GALNT10: variants seen among roughly 807,000 people sequenced by gnomAD.
GALNT10 encodes polypeptide N-acetylgalactosaminyltransferase 10.
A neutral mutation model predicts 75.0 loss-of-function variants in GALNT10; 41 were observed. The ratio of observed to expected loss-of-function variants is 0.55; its 90% confidence interval spans 0.43 to 0.71. GALNT10 has a LOEUF of 0.71. GALNT10 is among the 30% of genes least tolerant of loss of function. The pLI is 0.00. For missense variants in GALNT10, 727 were observed against 818.5 expected, an observed-to-expected ratio of 0.89 and a Z score of 1.36; for synonymous variants, 302 against 313.0, an observed-to-expected ratio of 0.96 and a Z score of 0.37.
At chr5:154,331,634 T>C (rs1754865872) in intron 4 of GALNT10, among the ~76,000 whole-genome samples, 1 of 152,172 alleles carries the variant, frequency 6.6e-6, no homozygotes, top group African/African-American at 2.4e-5. Context: ...ATCATTTCTG[T>C]TGTGGACATT....
chr5:154,346,170 TACAC>T (rs977665746), intron 4 of GALNT10, among the ~76,000 whole-genome samples: 7 of 150,694 alleles, frequency 4.6e-5, no homozygotes, highest in African/African-American at 7.4e-5. Flanking sequence ...GTGAGATAGA[TACAC>T]ACACACCACA....
intron 7 of GALNT10, among the ~76,000 whole-genome samples, chr5:154,400,204 G>C (rs775202845): frequency 6.6e-6 from 1 of 152,124 alleles, no homozygotes; most frequent in African/African-American, 2.4e-5. Context: ...AAGCCATGGC[G>C]GGGGCGGGGG....
chr5:154,386,467 G>A, intron 7 of GALNT10, 37 bp downstream of exon 7: 1 of 1,292,600 alleles, frequency 7.7e-7, no homozygotes, highest in Non-Finnish European at 1.1e-6. Context: ...TCTTGGCACA[G>A]CCTCCTGAGT....
At chr5:154,310,971 T>G (rs1352276278) in intron 3 of GALNT10, among the ~76,000 whole-genome samples, 1 of 152,216 alleles carries the variant, frequency 6.6e-6, no homozygotes, top group East Asian at 1.9e-4. Context: ...CTCTAATTTT[T>G]AAAAGAGTTC....
chr5:154,209,878 A>T (rs1775168216), intron 1 of GALNT10, among the ~76,000 whole-genome samples: 2 of 147,602 alleles, frequency 1.4e-5, no homozygotes, highest in Non-Finnish European at 1.5e-5. Context: ...TGGGGTTTAC[A>T]GTGCTCCCCA....
chr5:154,388,803 G>C (rs1013487443), intron 7 of GALNT10: 1 of 149,964 alleles, frequency 6.7e-6, no homozygotes, highest in Non-Finnish European at 1.5e-5. Context: ...AATAGGGCCA[G>C]GAATGGTGGC....
chr5:154,266,637 G>A (rs1462703223), intron 1 of GALNT10, among the ~76,000 whole-genome samples: 2 of 150,144 alleles, frequency 1.3e-5, no homozygotes, highest in African/African-American at 4.9e-5. Flanking sequence ...CACTTTGGGA[G>A]GCTGAGGTGA....
chr5:154,288,415 TG>T (rs375101750), intron 1 of GALNT10, among the ~76,000 whole-genome samples: 48,447 of 129,016 alleles, frequency 0.38, 8,861 homozygotes, highest in East Asian at 0.61. Context: ...CATTTGTGTG[TG>T]TGTGTGTGTG....
At chr5:154,384,618 G>C (rs1171187764) in intron 6 of GALNT10, among the ~76,000 whole-genome samples, 1 of 152,166 alleles carries the variant, frequency 6.6e-6, no homozygotes, top group African/African-American at 2.4e-5. Context: ...ATGGTTAAAC[G>C]CTGCATCTCA....
chr5:154,207,285 G>A (rs1188506652), intron 1 of GALNT10, among the ~76,000 whole-genome samples: 1 of 152,204 alleles, frequency 6.6e-6, no homozygotes, highest in Non-Finnish European at 1.5e-5. Flanking sequence ...GAGCCTTCCA[G>A]GTCAGGTCCT....
chr5:154,248,385 G>A (rs1004579826), intron 1 of GALNT10, among the ~76,000 whole-genome samples: 59 of 152,326 alleles, frequency 3.9e-4, no homozygotes, highest in African/African-American at 1.4e-3. Flanking sequence ...CAGAAGGAAT[G>A]GTAACAGCTC....
intron 1 of GALNT10, among the ~76,000 whole-genome samples, chr5:154,274,927 G>A (rs1753926852): frequency 1.3e-5 from 2 of 152,116 alleles, no homozygotes; most frequent in African/African-American, 2.4e-5. Flanking sequence ...TCATATTTCT[G>A]CAGTGCCTTA....
chr5:154,272,086 C>A (rs1431351680), intron 1 of GALNT10, among the ~76,000 whole-genome samples: 1 of 152,124 alleles, frequency 6.6e-6, no homozygotes, highest in Non-Finnish European at 1.5e-5. Context: ...TGGGAATGAG[C>A]CTCTTCTGTC....
intron 3 of GALNT10, among the ~76,000 whole-genome samples, chr5:154,318,377 T>C (rs1460755957): frequency 6.6e-6 from 1 of 152,130 alleles, no homozygotes. Flanking sequence ...AATATTTGCT[T>C]TTTAGCTAGT....
At chr5:154,337,393 C>T in intron 4 of GALNT10, 1 of 576,128 alleles carries the variant, frequency 1.7e-6, no homozygotes, top group Non-Finnish European at 3.2e-6. Context: ...GTTCACAAAT[C>T]TGATATAACC....
At chr5:154,204,141 C>T (rs1293299450) in intron 1 of GALNT10, among the ~76,000 whole-genome samples, 4 of 152,214 alleles carry the variant, frequency 2.6e-5, no homozygotes, top group Non-Finnish European at 2.9e-5. Context: ...GCTTTGTGAC[C>T]CTAGTTGGGT....
At chr5:154,360,479 G>A (rs1473525524) in intron 4 of GALNT10, among the ~76,000 whole-genome samples, 2 of 148,796 alleles carry the variant, frequency 1.3e-5, no homozygotes, top group Admixed American at 1.3e-4. Flanking sequence ...AAACAAAACC[G>A]CACTGGATCC....
intron 3 of GALNT10, among the ~76,000 whole-genome samples, chr5:154,302,748 C>T (rs1754379428): frequency 6.6e-6 from 1 of 152,190 alleles, no homozygotes; most frequent in South Asian, 2.1e-4. Context: ...CTTCCATGTT[C>T]CTTTTTGCTT....
At chr5:154,372,029 G>A (rs1755580479) in intron 4 of GALNT10, among the ~76,000 whole-genome samples, 1 of 152,162 alleles carries the variant, frequency 6.6e-6, no homozygotes, top group Non-Finnish European at 1.5e-5. Flanking sequence ...GTCTATGGAA[G>A]GTTCATCATT....
Sources: allele counts gnomAD v4.1 joint callset (sites outside exome capture counted in the v4.1 genomes callset), GRCh38; gene constraint gnomAD v4.1.1; transcripts MANE v1.5; gene names NCBI Gene and HGNC (gene_info 2026-07-23, HGNC 2026-07-21).